Variants in SLC6A2 observed in about 807,000 individuals in gnomAD.
SLC6A2 encodes sodium-dependent noradrenaline transporter.
A neutral mutation model predicts 71.7 loss-of-function variants in SLC6A2; 26 were observed. That is an observed-to-expected ratio of 0.36 (90% CI 0.27 to 0.50). The LOEUF (loss-of-function observed/expected upper bound fraction) is 0.50. SLC6A2 is among the 20% of genes least tolerant of loss of function. The pLI, the probability that SLC6A2 is intolerant of heterozygous loss-of-function variation, is 0.96. For synonymous variants in SLC6A2, 363 were observed against 337.9 expected (o/e 1.07, Z -0.82); for missense variants, 581 against 803.9 (o/e 0.72, Z 3.35).
At position 55,656,897 on chromosome 16, in the gene SLC6A2, C is replaced by T; in HGVS notation, c.203C>T (p.Ser68Phe). ...TWGKKIDFLLSVVGFAVDLAN... is the reference protein window; with the variant it reads ...TWGKKIDFLLFVVGFAVDLAN... ...GGCAAGAAGATCGACTTCCTGCTGT[C>T]CGTAGTCGGCTTCGCAGTGGACCTG... The change falls in exon 2 of 15, where the codon TCC becomes TTC. Residue 68 changes from serine to phenylalanine, a missense_variant. Ser to Phe is a radical substitution (Grantham distance 155). Transcript: ENST00000568943. This position sits in a 1 kb window ranked among gnomAD's most constrained non-coding sequence, Gnocchi z 4.5. 1 of 1,614,074 alleles carries T rather than the reference C, an allele frequency of 6.2e-7. No individual in the cohort carries two copies. Among genetic ancestry groups the T allele is most frequent in the Non-Finnish European group, 8.5e-7 (1 of 1,179,972 alleles).
intron 4 of SLC6A2, among the ~76,000 whole-genome samples, chr16:55,684,731 T>A (rs971556780): frequency 6.6e-6 from 1 of 152,214 alleles, no homozygotes; most frequent in Non-Finnish European, 1.5e-5. Flanking sequence ...ATCTCAGATA[T>A]TGCCAAATAT....
chr16:55,674,818 C>G (rs533068832), intron 4 of SLC6A2, among the ~76,000 whole-genome samples: 1 of 152,254 alleles, frequency 6.6e-6, no homozygotes, highest in East Asian at 1.9e-4. Context: ...AACATCCACG[C>G]GCAGGTGTCT....
chr16:55,692,130 G>T (rs1035398723), intron 6 of SLC6A2, 78 bp downstream of exon 6: 10 of 1,530,352 alleles, frequency 6.5e-6, no homozygotes, highest in South Asian at 1.1e-5. Context: ...TGGAAAATCT[G>T]GTCCCAGCTC....
intron 6 of SLC6A2, 148 bp downstream of exon 6, chr16:55,692,200 C>T (rs1432864886): frequency 1.1e-6 from 1 of 933,284 alleles, no homozygotes; most frequent in East Asian, 2.5e-5. Context: ...GTGCAGCTTC[C>T]CCATCTGACC....
At chr16:55,657,383 G>A (rs371593789) in intron 2 of SLC6A2, among the ~76,000 whole-genome samples, 3 of 152,278 alleles carry the variant, frequency 2.0e-5, no homozygotes, top group African/African-American at 4.8e-5. Context: ...AGGGGCACCA[G>A]AAGTGGGTGG....
intron 2 of SLC6A2, among the ~76,000 whole-genome samples, chr16:55,664,801 C>G (rs1393618922): frequency 1.3e-5 from 2 of 152,174 alleles, no homozygotes; most frequent in African/African-American, 4.8e-5. Flanking sequence ...GGCATGAAGG[C>G]CTGCCCTACC....
At chr16:55,657,391 TG>T (rs569143805) in intron 2 of SLC6A2, among the ~76,000 whole-genome samples, 69 of 152,010 alleles carry the variant, frequency 4.5e-4, no homozygotes, top group African/African-American at 1.5e-3. Flanking sequence ...CAGAAGTGGG[TG>T]GGATTTGACA....
At position 55,656,685 on chromosome 16, in the gene SLC6A2, A is replaced by G; in HGVS notation, c.-10A>G. The stretch of plus-strand genomic sequence containing the variant: ...CAGGACCGGTAAAGTTCCTCTCGCC[A>G]GCCGCATCCATGCTTCTGGCGCGGA... On this transcript the variant is annotated 5_prime_UTR_variant, in exon 2 of 15. Transcript: ENST00000568943. This position sits in a 1 kb window ranked among gnomAD's most constrained non-coding sequence, Gnocchi z 4.5. The G allele has an allele frequency of 6.2e-7, 1 of 1,611,754 alleles. No individual in the cohort carries two copies. Among genetic ancestry groups the G allele is most frequent in the Non-Finnish European group, 8.5e-7 (1 of 1,179,912 alleles).
chr16:55,677,155 C>T (rs1242130654), intron 4 of SLC6A2, among the ~76,000 whole-genome samples: 4 of 152,138 alleles, frequency 2.6e-5, no homozygotes, highest in Non-Finnish European at 4.4e-5. Context: ...AATCTAGGGC[C>T]TCCTTCACTC....
intron 4 of SLC6A2, among the ~76,000 whole-genome samples, chr16:55,679,756 G>C (rs1965209598): frequency 6.6e-6 from 1 of 152,240 alleles, no homozygotes; most frequent in African/African-American, 2.4e-5. Context: ...ACTGGGGACT[G>C]ACAAGTAGCT....
intron 12 of SLC6A2, 116 bp from the exon 13 acceptor site, chr16:55,700,023 G>C: frequency 1.2e-6 from 1 of 837,924 alleles, no homozygotes; most frequent in South Asian, 1.4e-5. Context: ...TCCCTTTGCT[G>C]TGATGCTCAC....
chr16:55,667,392 G>A (rs1276784325), intron 2 of SLC6A2, among the ~76,000 whole-genome samples: 2 of 152,168 alleles, frequency 1.3e-5, no homozygotes, highest in Non-Finnish European at 2.9e-5. Context: ...AGGGATTGTG[G>A]TAATTCTCTC....
In SLC6A2 at chr16:55,704,089, C is replaced by T. The variant is rs1266119687; in HGVS notation, c.*1743C>T. 1 of 152,118 alleles carries T rather than the reference C, an allele frequency of 6.6e-6. No individual in the cohort carries two copies. Among genetic ancestry groups the T allele is most frequent in the Non-Finnish European group, 1.5e-5 (1 of 68,008 alleles). The allele number at this position is 152,118 out of a possible 1,614,324, so 9.4% of individuals were successfully genotyped here. A position where few individuals can be genotyped will look rare whatever the true frequency, so the allele number is the denominator to read the frequency against. On this transcript the variant is annotated 3_prime_UTR_variant, in exon 15 of 15. Coordinates refer to ENST00000568943, the MANE Select transcript of SLC6A2 (RefSeq NM_001172501.3). ...GAACAATCAGGTCGGGGTCTGGGCC[C>T]CATTAGTGACTTTATATCCTCCCAT... is the stretch of plus-strand genomic sequence containing the variant.
In SLC6A2 at chr16:55,697,981, G is replaced by A. The variant is rs2234910; in HGVS notation, c.1345G>A (p.Val449Ile). The part of the protein sequence containing the change: ...KRHRKLFTFG[V>I]TFSTFLLALF... Reference sequence around the variant, plus strand: ...ACACCGGAAACTCTTCACATTTGGCGTCACCTTCAGCACTTTCCTTCTCGC... The same window carrying A: ...ACACCGGAAACTCTTCACATTTGGCATCACCTTCAGCACTTTCCTTCTCGC... The change falls in exon 10 of 15, where the codon GTC (valine) becomes ATC (isoleucine). Residue 449 changes from valine to isoleucine, a missense_variant. Val to Ile is a conservative substitution (Grantham distance 29). Coordinates refer to ENST00000568943, the MANE Select transcript of SLC6A2 (RefSeq NM_001172501.3). 53 of 1,614,160 alleles carry A rather than the reference G, an allele frequency of 3.3e-5. No homozygotes were observed. Among genetic ancestry groups the A allele is most frequent in the Non-Finnish European group, 4.2e-5 (49 of 1,180,028 alleles).
chr16:55,692,098 G>A lies in SLC6A2; in HGVS notation c.918+46G>A, dbSNP rs753104479. The stretch of plus-strand genomic sequence containing the variant: ...AAGCCTTGGGCCAGGCTTGTGGGAG[G>A]GTTTTCAGGAGAAGGTGATGATGGA... On this transcript the variant is annotated intron_variant, in intron 6 of 14. Coordinates refer to ENST00000568943, the MANE Select transcript of SLC6A2 (RefSeq NM_001172501.3). 2.5e-6 allele frequency: 4 copies of A among 1,610,738 alleles called. No homozygotes were observed. The Admixed American group carries it at 5.0e-5, about 20-fold the overall frequency.
At chr16:55,684,981 G>A (rs1965402412) in intron 4 of SLC6A2, among the ~76,000 whole-genome samples, 162 bp from the exon 5 acceptor site, 1 of 152,210 alleles carries the variant, frequency 6.6e-6, no homozygotes, top group Non-Finnish European at 1.5e-5. Context: ...ATCAGGTCAG[G>A]CCCATGTGGT....
chr16:55,693,172 A>T (rs1300200028), intron 6 of SLC6A2, among the ~76,000 whole-genome samples: 4 of 152,162 alleles, frequency 2.6e-5, no homozygotes, highest in African/African-American at 9.7e-5. Context: ...GGATCACTTG[A>T]GGTCAGGAGT....
At chr16:55,669,440 C>T (rs1183165947) in intron 2 of SLC6A2, 125 bp from the exon 3 acceptor site, 14 of 866,264 alleles carry the variant, frequency 1.6e-5, no homozygotes, top group Non-Finnish European at 2.7e-5. Context: ...TTGATTGCTG[C>T]GCGTCGCCTT....
rs758460126 is a variant in SLC6A2, at chr16:55,705,082, C to T, written c.*2736C>T. ...GCTGTGTACTGTATATGACACTTGACGCTTTTGATATTTTTTCAGGTTTTT... is the reference window on the plus strand; with the variant it reads ...GCTGTGTACTGTATATGACACTTGATGCTTTTGATATTTTTTCAGGTTTTT... On this transcript the variant is annotated 3_prime_UTR_variant, in exon 15 of 15. Coordinates refer to ENST00000568943, the MANE Select transcript of SLC6A2 (RefSeq NM_001172501.3). The T allele has an allele frequency of 1.2e-5, 9 of 755,228 alleles. No homozygotes were observed. Among genetic ancestry groups the T allele is most frequent in the South Asian group, 3.2e-5 (2 of 62,568 alleles). The allele number at this position is 755,228 out of a possible 1,614,324, so 46.8% of individuals were successfully genotyped here.
Sources: gnomAD v4.1 joint callset for allele counts (sites outside exome capture counted in the v4.1 genomes callset) on GRCh38, gnomAD v4.1.1 for gene constraint, Gnocchi (gnomAD v3.1) non-coding constraint, MANE v1.5 for transcripts, NCBI Gene and HGNC (gene_info 2026-07-23, HGNC 2026-07-21) for gene names.